GRID2: variants seen among roughly 807,000 people sequenced by gnomAD.
GRID2 encodes the protein glutamate receptor ionotropic, delta-2.
In GRID2, 33 loss-of-function variants were observed where a neutral mutation model predicts 114.8. The ratio of observed to expected loss-of-function variants is 0.29; its 90% CI spans 0.22 to 0.38. The LOEUF (loss-of-function observed/expected upper bound fraction) is 0.38. Among genes scored for constraint, GRID2 ranks in the 10% least tolerant of loss-of-function variants. GRID2 has a pLI of 1.00. For missense variants in GRID2, 1,184 were observed against 1,257.7 expected, an observed-to-expected ratio of 0.94 and a Z score of 0.89; for synonymous variants, 505 against 449.9, an observed-to-expected ratio of 1.12 and a Z score of -1.55.
intron 2 of GRID2, among the ~76,000 whole-genome samples, chr4:92,637,225 T>C (rs549513551): frequency 6.6e-6 from 1 of 152,116 alleles, no homozygotes; most frequent in South Asian, 2.1e-4. Context: ...TTTTTTTAAA[T>C]TTACATTTGC....
At chr4:92,926,758 T>A (rs1235151400) in intron 2 of GRID2, among the ~76,000 whole-genome samples, 1 of 151,882 alleles carries the variant, frequency 6.6e-6, no homozygotes, top group Non-Finnish European at 1.5e-5. Flanking sequence ...AGCTGGGAAG[T>A]CCGAGATTGA....
intron 8 of GRID2, among the ~76,000 whole-genome samples, chr4:93,260,430 T>G (rs966807583): frequency 2.0e-5 from 3 of 151,072 alleles, no homozygotes; most frequent in African/African-American, 4.8e-5. Flanking sequence ...AAGATAAATA[T>G]TATATATTTA....
At position 93,562,293 on chromosome 4, in the gene GRID2, TATAATA is replaced by T. The variant is rs576022266; in HGVS notation, c.2193+46890_2193+46895del. 2.2e-4 allele frequency among the ~76,000 whole-genome samples: 34 copies of T among 152,034 alleles called. No individual in the cohort carries two copies. In the East Asian group the frequency reaches 6.4e-3, roughly 29 times the overall value. On this transcript the variant is annotated intron_variant, in intron 13 of 15. Coordinates refer to ENST00000282020, the MANE Select transcript of GRID2 (RefSeq NM_001510.4). Reference sequence around the variant, plus strand: ...TGATGATATACGATGTGGAGCATCATATAATAATAATAAGATGTCATATGCCTACTT... The same window carrying T: ...TGATGATATACGATGTGGAGCATCATATAATAAGATGTCATATGCCTACTT...
At chr4:92,579,561 G>T (rs1310418005) in intron 1 of GRID2, among the ~76,000 whole-genome samples, 2 of 151,822 alleles carry the variant, frequency 1.3e-5, no homozygotes, top group Non-Finnish European at 2.9e-5. Flanking sequence ...AAAACTATAG[G>T]TCTTGGAACC....
chr4:93,018,053 T>C (rs1425872029), intron 2 of GRID2, among the ~76,000 whole-genome samples: 1 of 151,664 alleles, frequency 6.6e-6, no homozygotes, highest in Non-Finnish European at 1.5e-5. Context: ...TTTTATTATG[T>C]CCTACAGTTT....
chr4:92,418,230 C>CCA (rs1731716789), intron 1 of GRID2, among the ~76,000 whole-genome samples: 1 of 152,034 alleles, frequency 6.6e-6, no homozygotes, highest in South Asian at 2.1e-4. Flanking sequence ...GAGCATGTCC[C>CCA]CACACTCTAT....
chr4:92,848,378 C>G (rs1743497694), intron 2 of GRID2, among the ~76,000 whole-genome samples: 1 of 151,870 alleles, frequency 6.6e-6, no homozygotes, highest in African/African-American at 2.4e-5. Context: ...ATCTCTTTCT[C>G]TCTTCACTCC....
chr4:93,027,555 A>T (rs1723997101), intron 2 of GRID2, among the ~76,000 whole-genome samples: 1 of 152,138 alleles, frequency 6.6e-6, no homozygotes, highest in Non-Finnish European at 1.5e-5. Flanking sequence ...GCATTTTCAC[A>T]GTGAGAATAT....
At chr4:92,515,528 AAG>A (rs778765313) in intron 1 of GRID2, among the ~76,000 whole-genome samples, 6 of 151,878 alleles carry the variant, frequency 4.0e-5, no homozygotes, top group Non-Finnish European at 5.9e-5. Context: ...CAATTATAAT[AAG>A]AGAGTATTCC....
chr4:93,134,619 A>G (rs1004740587), intron 4 of GRID2, among the ~76,000 whole-genome samples: 3 of 152,226 alleles, frequency 2.0e-5, no homozygotes, highest in African/African-American at 7.2e-5. Flanking sequence ...TTTTATGAAC[A>G]TAATGAACAT....
chr4:92,411,655 G>GTATATATATATATATATATATA (rs70940887), intron 1 of GRID2, among the ~76,000 whole-genome samples: 185 of 84,606 alleles, frequency 2.2e-3, no homozygotes, highest in African/African-American at 4.2e-3. Flanking sequence ...GTGTGTGTGT[G>GTATATATATATATATATATATA]TATATATATA....
intron 2 of GRID2, among the ~76,000 whole-genome samples, chr4:92,748,692 C>A (rs1387767126): frequency 6.8e-6 from 1 of 146,898 alleles, no homozygotes; most frequent in East Asian, 2.0e-4. Flanking sequence ...GATGGAGTTT[C>A]ACTCTGTTGC....
chr4:92,995,830 T>G (rs1028586086), intron 2 of GRID2, among the ~76,000 whole-genome samples: 1 of 152,188 alleles, frequency 6.6e-6, no homozygotes, highest in African/African-American at 2.4e-5. Flanking sequence ...GTATCTGGGC[T>G]TGATTAAAAA....
intron 9 of GRID2, among the ~76,000 whole-genome samples, chr4:93,418,453 C>G (rs1031486386): frequency 6.6e-6 from 1 of 152,072 alleles, no homozygotes; most frequent in Non-Finnish European, 1.5e-5. Flanking sequence ...TAACAACACT[C>G]CTTTGTAGTT....
At chr4:92,632,724 AAAGGGAAGGAAGGGAAGAAGTGAAGG>A (rs1384884945) in intron 2 of GRID2, among the ~76,000 whole-genome samples, 1 of 150,844 alleles carries the variant, frequency 6.6e-6, no homozygotes, top group Admixed American at 6.6e-5. Context: ...AGGAGTGAAG[AAAGGGAAGGAAGGGAAGAAGTGAAGG>A]AAGGGAAGGA....
intron 2 of GRID2, among the ~76,000 whole-genome samples, chr4:92,610,926 T>C (rs1216703765): frequency 6.6e-6 from 1 of 151,796 alleles, no homozygotes; most frequent in Non-Finnish European, 1.5e-5. Context: ...ATTATAGGGA[T>C]ATATCATTTT....
At chr4:92,422,782 G>C (rs1731967668) in intron 1 of GRID2, among the ~76,000 whole-genome samples, 1 of 152,124 alleles carries the variant, frequency 6.6e-6, no homozygotes, top group South Asian at 2.1e-4. Flanking sequence ...TAATCTTGTG[G>C]CTAATTTGTT....
intron 14 of GRID2, among the ~76,000 whole-genome samples, chr4:93,760,048 C>A (rs541406899): frequency 1.3e-5 from 2 of 152,314 alleles, no homozygotes; most frequent in African/African-American, 4.8e-5. Context: ...TCAATCTCCT[C>A]ACCTGTAAAA....
At chr4:92,944,170 G>A (rs1193042810) in intron 2 of GRID2, among the ~76,000 whole-genome samples, 1 of 152,198 alleles carries the variant, frequency 6.6e-6, no homozygotes, top group African/African-American at 2.4e-5. Context: ...GCTATGCCCT[G>A]CCCCCAGATG....
Sources: allele counts gnomAD v4.1 joint callset (sites outside exome capture counted in the v4.1 genomes callset), GRCh38; gene constraint gnomAD v4.1.1; transcripts MANE v1.5; gene names NCBI Gene and HGNC (gene_info 2026-07-23, HGNC 2026-07-21).